ELOB: variants seen among roughly 807,000 people sequenced by gnomAD.
ELOB encodes elongin B.
In ELOB, 3 loss-of-function variants were observed where a neutral mutation model predicts 12.9. The observed-to-expected ratio is 0.23, with a 90% CI of 0.11 to 0.60. The LOEUF is 0.60. Ranked by LOEUF, ELOB falls within the 20% of genes least tolerant of loss-of-function variation. The probability of loss-of-function intolerance (pLI) is 0.89; values close to 1 mark genes in which losing one functional copy is unlikely to be tolerated. For missense variants in ELOB, 126 were observed against 159.2 expected (o/e 0.79, Z 1.12); for synonymous variants, 84 against 67.4 (o/e 1.25, Z -1.21).
Position 2,777,096 on chromosome 16 carries a change from G to C in ELOB, c.35C>G (p.Thr12Ser), listed in dbSNP as rs765635309. The C allele has an allele frequency of 1.9e-6, 3 of 1,594,378 alleles. No homozygotes were observed. The highest frequency in any genetic ancestry group is 2.4e-5 in the East Asian group (1 of 42,444). ...DVFLMIRRHKTTIFTDAKESS... is the reference protein window; with the variant it reads ...DVFLMIRRHKSTIFTDAKESS... Reference sequence around the variant, plus strand: ...CTCCTTGGCGTCCGTGAAGATGGTGGTCTTGTGGCGCCGGATCATGAGGAA... The same window carrying C: ...CTCCTTGGCGTCCGTGAAGATGGTGCTCTTGTGGCGCCGGATCATGAGGAA... Residue 12 changes from threonine (T) to serine (S), a missense_variant, in exon 2 of 4, where the codon ACC becomes AGC. By Grantham distance (58) the Thr-to-Ser change is moderately conservative. Coordinates refer to ENST00000409906, the MANE Select transcript of ELOB (RefSeq NM_007108.4).
At chr16:2,774,577 T>C (rs2068788369) in intron 3 of ELOB, among the ~76,000 whole-genome samples, 1 of 152,252 alleles carries the variant, frequency 6.6e-6, no homozygotes, top group African/African-American at 2.4e-5. Context: ...ACTCTTCCTC[T>C]TCAGCCTTTG....
rs149027706 is a variant in ELOB, at chr16:2,771,508, G to A, written c.*482C>T. 8.5e-5 allele frequency: 137 copies of A among 1,614,094 alleles called. No homozygotes were observed. Among genetic ancestry groups the A allele is most frequent in the Non-Finnish European group, 8.7e-5 (103 of 1,180,056 alleles). On this transcript the variant is annotated 3_prime_UTR_variant, in exon 4 of 4. Coordinates refer to ENST00000409906, the MANE Select transcript of ELOB (RefSeq NM_007108.4). Reference sequence around the variant, plus strand: ...AGCGTGGGTGGACCTGTGTGGGTCCGTCTTGGGGTTCCCTCGTTGAACATG... The same window carrying A: ...AGCGTGGGTGGACCTGTGTGGGTCCATCTTGGGGTTCCCTCGTTGAACATG...
chr16:2,776,905 G>C, intron 2 of ELOB, 88 bp downstream of exon 2: 1 of 1,449,486 alleles, frequency 6.9e-7, no homozygotes, highest in Non-Finnish European at 9.2e-7. Context: ...GTCGCCGGCC[G>C]CTACTGTTTA....
At chr16:2,774,208 C>CA (rs138251122) in intron 3 of ELOB, among the ~76,000 whole-genome samples, 21,017 of 152,132 alleles carry the variant, frequency 0.14, 1,588 homozygotes, top group East Asian at 0.28. Flanking sequence ...CCAGCCTAGA[C>CA]AACGGAGTGC....
chr16:2,771,584 G>A lies in ELOB; in HGVS notation c.*406C>T, dbSNP rs752101364. 26 of 1,613,976 alleles carry A rather than the reference G, an allele frequency of 1.6e-5. No individual in the cohort carries two copies. The highest frequency in any genetic ancestry group is 6.7e-5 in the African/African-American group (5 of 74,872). ...GCTTGTGTTTCTGCTCTTGGCCATCGTCTGGGAGTGGACATGCAGGCTATG... is the reference window on the plus strand; with the variant it reads ...GCTTGTGTTTCTGCTCTTGGCCATCATCTGGGAGTGGACATGCAGGCTATG... On this transcript the variant is annotated 3_prime_UTR_variant, in exon 4 of 4. Coordinates refer to ENST00000409906, the MANE Select transcript of ELOB (RefSeq NM_007108.4).
intron 3 of ELOB, among the ~76,000 whole-genome samples, chr16:2,775,074 G>A (rs535056347): frequency 6.6e-6 from 1 of 152,190 alleles, no homozygotes; most frequent in South Asian, 2.1e-4. Flanking sequence ...TGGTAAGCCT[G>A]TGTCCTCATC....
Position 2,777,095 on chromosome 16 carries a change from G to A in ELOB, c.36C>T (p.Thr12=). The change falls in exon 2 of 4, where the codon ACC becomes ACT. Residue 12 remains threonine (T), a synonymous_variant. Transcript: ENST00000409906. ...DVFLMIRRHK[T]TIFTDAKESS... ...ACTCCTTGGCGTCCGTGAAGATGGT[G>A]GTCTTGTGGCGCCGGATCATGAGGA... is the stretch of plus-strand genomic sequence containing the variant. 2.5e-6 allele frequency: 4 copies of A among 1,595,116 alleles called. No homozygotes were observed. The highest frequency in any genetic ancestry group is 3.4e-6 in the Non-Finnish European group (4 of 1,172,808).
At position 2,775,371 on chromosome 16, in the gene ELOB, G is replaced by C. The variant is rs1017237075; in HGVS notation, c.244+80C>G. 24 of 1,011,900 alleles carry C rather than the reference G, an allele frequency of 2.4e-5. No homozygotes were observed. The South Asian group carries it at 3.1e-4, about 13-fold the overall frequency. The allele number at this position is 1,011,900 out of a possible 1,614,324, so 62.7% of individuals were successfully genotyped here. On this transcript the variant is annotated intron_variant, in intron 3 of 3. Coordinates refer to ENST00000409906, the MANE Select transcript of ELOB (RefSeq NM_007108.4). ...ACTGCCCTGAAGGCTTCAACTCCAG[G>C]CTCCCTGATGACCTTCTTTGGAACA...
Position 2,772,029 on chromosome 16 carries a change from C to G in ELOB, c.318G>C (p.Gln106His). The change falls in exon 4 of 4, where the codon CAG becomes CAC. Residue 106 changes from glutamine to histidine, a missense_variant. Transcript: ENST00000409906. The part of the protein sequence containing the change: ...PPELPDVMKP[Q>H]DSGSSANEQA... ...GTTCATTGGCACTGCTTCCCGAGTC[C>G]TGGGGCTTCATCACATCGGGCAGCT... The G allele has an allele frequency of 6.2e-7, 1 of 1,613,456 alleles. No individual in the cohort carries two copies. Among genetic ancestry groups the G allele is most frequent in the Non-Finnish European group, 8.5e-7 (1 of 1,179,734 alleles).
intron 3 of ELOB, among the ~76,000 whole-genome samples, chr16:2,772,704 CAA>C (rs545817204): frequency 7.0e-6 from 1 of 141,952 alleles, no homozygotes. Flanking sequence ...GACTCCATCT[CAA>C]AAAAAAAAAA....
intron 2 of ELOB, 50 bp from the exon 3 acceptor site, chr16:2,775,606 C>T: frequency 6.7e-7 from 1 of 1,500,776 alleles, no homozygotes; most frequent in Non-Finnish European, 9.1e-7. Context: ...GGGCAAGTCC[C>T]AAAGACTTCT....
intron 3 of ELOB, among the ~76,000 whole-genome samples, chr16:2,772,857 TTC>T (rs2068773536): frequency 1.4e-4 from 1 of 7,320 alleles, no homozygotes; most frequent in Admixed American, 2.5e-3. Flanking sequence ...CTCTATGTTC[TTC>T]TGTAAGTTCT....
At position 2,771,769 on chromosome 16, in the gene ELOB, A is replaced by C. The variant is rs964157205; in HGVS notation, c.*221T>G. The stretch of plus-strand genomic sequence containing the variant: ...TAACAATGGCTTGGGTCTCAGGGCA[A>C]CCCAGGTCCCCATGGTGCCTTTAAG... On this transcript the variant is annotated 3_prime_UTR_variant, in exon 4 of 4. Transcript: ENST00000409906. 6 of 1,474,280 alleles carry C rather than the reference A, an allele frequency of 4.1e-6. No individual in the cohort carries two copies. The African/African-American group carries it at 5.6e-5, about 14-fold the overall frequency. The allele number at this position is 1,474,280 out of a possible 1,614,324, so 91.3% of individuals were successfully genotyped here.
At position 2,771,571 on chromosome 16, in the gene ELOB, GCTC is replaced by G; in HGVS notation, c.*416_*418del. On this transcript the variant is annotated 3_prime_UTR_variant, in exon 4 of 4. Coordinates refer to ENST00000409906, the MANE Select transcript of ELOB (RefSeq NM_007108.4). The stretch of plus-strand genomic sequence containing the variant: ...GACACTGGCTCCAGCTTGTGTTTCT[GCTC>G]TTGGCCATCGTCTGGGAGTGGACAT... 6.2e-7 allele frequency: 1 copy of G among 1,614,114 alleles called. No homozygotes were observed. Among genetic ancestry groups the G allele is most frequent in the Non-Finnish European group, 8.5e-7 (1 of 1,180,010 alleles).
At chr16:2,777,158 G>C in intron 1 of ELOB, 31 bp from the exon 2 acceptor site, 1 of 1,308,810 alleles carries the variant, frequency 7.6e-7, no homozygotes, top group Non-Finnish European at 9.9e-7. Flanking sequence ...TGAGCACGAA[G>C]CCCGGGCCCC....
intron 3 of ELOB, among the ~76,000 whole-genome samples, chr16:2,773,577 G>T (rs559691202): frequency 6.6e-6 from 1 of 152,184 alleles, no homozygotes; most frequent in Non-Finnish European, 1.5e-5. Context: ...GATGGGTTGA[G>T]CTGCACCCAG....
At chr16:2,774,047 T>C (rs2068784895) in intron 3 of ELOB, among the ~76,000 whole-genome samples, 1 of 152,122 alleles carries the variant, frequency 6.6e-6, no homozygotes, top group African/African-American at 2.4e-5. Context: ...CTGACTAACA[T>C]GGTGAAACCC....
At chr16:2,777,167 C>A (rs1441291201) in intron 1 of ELOB, 40 bp from the exon 2 acceptor site, 1 of 1,188,452 alleles carries the variant, frequency 8.4e-7, no homozygotes, top group Non-Finnish European at 1.1e-6. Context: ...AGCCCGGGCC[C>A]CCCGCGCGGC....
In ELOB at chr16:2,776,981, C is replaced by G; in HGVS notation, c.138+12G>C. ...GGGTACCCGCTCCCCTCGGCCCGCC[C>G]GCGGGACCCACCTTGTACAGCCGCT... On this transcript the variant is annotated intron_variant, in intron 2 of 3. Transcript: ENST00000409906. The G allele has an allele frequency of 1.3e-6, 2 of 1,560,110 alleles. No individual in the cohort carries two copies. Among genetic ancestry groups the G allele is most frequent in the Non-Finnish European group, 1.7e-6 (2 of 1,154,024 alleles).
Sources: gnomAD v4.1 joint callset for allele counts (sites outside exome capture counted in the v4.1 genomes callset) on GRCh38, gnomAD v4.1.1 for gene constraint, MANE v1.5 for transcripts, NCBI Gene and HGNC (gene_info 2026-07-23, HGNC 2026-07-21) for gene names.